The following KCNQ1 variants were observed in gnomAD, a reference collection of about 807,000 sequenced individuals.
The protein encoded by KCNQ1 is potassium voltage-gated channel subfamily Q member 1.
Under a neutral mutation model 72.4 loss-of-function variants are expected in KCNQ1, and 49 were observed. The ratio of observed to expected loss-of-function variants is 0.68; its 90% confidence interval spans 0.54 to 0.86. The LOEUF (loss-of-function observed/expected upper bound fraction) is 0.86. Ranked by LOEUF, KCNQ1 falls within the 40% of genes least tolerant of loss-of-function variation. The probability of loss-of-function intolerance (pLI) is 0.00; values close to 1 mark genes in which losing one functional copy is unlikely to be tolerated. For missense variants in KCNQ1, 790 were observed against 945.1 expected (o/e 0.84, Z 2.15); for synonymous variants, 450 against 412.6 (o/e 1.09, Z -1.10).
intron 10 of KCNQ1, chr11:2,622,662 G>A (rs979839075): frequency 5.0e-5 from 20 of 398,330 alleles, no homozygotes; most frequent in African/African-American, 3.7e-4. Flanking sequence ...TTTTCTGATA[G>A]TGTACCATTA....
chr11:2,808,027 C>G lies in KCNQ1; in HGVS notation c.1794+29990C>G, dbSNP rs1219238078. 6.6e-6 allele frequency among the ~76,000 whole-genome samples: 1 copy of G among 152,164 alleles called. No individual in the cohort carries two copies. The highest frequency in any genetic ancestry group is 1.5e-5 in the Non-Finnish European group (1 of 68,010). Reference sequence around the variant, plus strand: ...GGGCAGGGCCGGTGGTACCTGGAGCCCTCCCCACTGAGCACCTGGCCCAGT... The same window carrying G: ...GGGCAGGGCCGGTGGTACCTGGAGCGCTCCCCACTGAGCACCTGGCCCAGT... On this transcript the variant is annotated intron_variant, in intron 15 of 15. Transcript: ENST00000155840. The surrounding 1 kb of genome is among the most constrained non-coding windows in gnomAD (Gnocchi z 6.0).
rs1847280489 is a variant in KCNQ1, at chr11:2,515,882, C to A, written c.387-12046C>A. On this transcript the variant is annotated intron_variant, in intron 1 of 15. Coordinates refer to ENST00000155840, the MANE Select transcript of KCNQ1 (RefSeq NM_000218.3). The surrounding 1 kb of genome is among the most constrained non-coding windows in gnomAD (Gnocchi z 4.7). The stretch of plus-strand genomic sequence containing the variant: ...CTCCGGGCCCCAGGAGAAGCTCATG[C>A]CTTTCCTGCTTGCACCCCAGAGCCT... Among the ~76,000 whole-genome samples the A allele has an allele frequency of 1.3e-5, 2 of 152,074 alleles. No individual in the cohort carries two copies. The highest frequency in any genetic ancestry group is 4.2e-4 in the South Asian group (2 of 4,808).
rs553290452 is a variant in KCNQ1, at chr11:2,611,702, T to C, written c.1393+22848T>C. ...CTTTATTGAGTTTTTAATTCACTTA[T>C]ATGTAATATAATTATTGATATGGAA... On this transcript the variant is annotated intron_variant, in intron 10 of 15. Transcript: ENST00000155840. This position sits in a 1 kb window ranked among gnomAD's most constrained non-coding sequence, Gnocchi z 5.3. The C allele has an allele frequency of 4.0e-5, 16 of 398,610 alleles. No homozygotes were observed. Among genetic ancestry groups the C allele is most frequent in the Non-Finnish European group, 6.2e-5 (14 of 226,054 alleles). 24.7% of individuals were successfully genotyped at this position (398,610 alleles called of 1,614,324 possible). A position where few individuals can be genotyped will look rare whatever the true frequency, so the allele number is the denominator to read the frequency against.
rs1043342156 is a variant in KCNQ1, at chr11:2,516,984, C to A, written c.387-10944C>A. Among the ~76,000 whole-genome samples the A allele has an allele frequency of 6.6e-6, 1 of 152,170 alleles. No individual in the cohort carries two copies. Among genetic ancestry groups the A allele is most frequent in the Non-Finnish European group, 1.5e-5 (1 of 68,024 alleles). On this transcript the variant is annotated intron_variant, in intron 1 of 15. Coordinates refer to ENST00000155840, the MANE Select transcript of KCNQ1 (RefSeq NM_000218.3). This position sits in a 1 kb window ranked among gnomAD's most constrained non-coding sequence, Gnocchi z 7.0. ...GGGCCTCTGAAGGGCTTTGACGTGACACTCGGGATGGCATGGCAGGGCCCT... is the reference window on the plus strand; with the variant it reads ...GGGCCTCTGAAGGGCTTTGACGTGAAACTCGGGATGGCATGGCAGGGCCCT...
At chr11:2,773,914 C>T (rs1019552351) in intron 12 of KCNQ1, among the ~76,000 whole-genome samples, 3 of 151,720 alleles carry the variant, frequency 2.0e-5, no homozygotes, top group African/African-American at 7.3e-5. Flanking sequence ...GGCTCAGCAT[C>T]CCATCTTAAA....
At position 2,826,109 on chromosome 11, in the gene KCNQ1, G is replaced by A. The variant is rs1238455283; in HGVS notation, c.1795-21658G>A. 6.6e-6 allele frequency among the ~76,000 whole-genome samples: 1 copy of A among 152,248 alleles called. No individual in the cohort carries two copies. Among genetic ancestry groups the A allele is most frequent in the Admixed American group, 6.5e-5 (1 of 15,292 alleles). On this transcript the variant is annotated intron_variant, in intron 15 of 15. Coordinates refer to ENST00000155840, the MANE Select transcript of KCNQ1 (RefSeq NM_000218.3). This position sits in a 1 kb window ranked among gnomAD's most constrained non-coding sequence, Gnocchi z 4.2. ...AGCAAGCAGCCTGTTACCTAACCAG[G>A]CCTGGCTCATGCCAATGTCTTGAGT...
intron 10 of KCNQ1, chr11:2,640,874 A>G: frequency 2.5e-6 from 1 of 399,440 alleles, no homozygotes; most frequent in Non-Finnish European, 4.4e-6. Context: ...TCTACTCTCT[A>G]CCTCCATGAG....
Position 2,711,758 on chromosome 11 carries a change from G to C in KCNQ1, c.1514+49677G>C, listed in dbSNP as rs891475746. 2.1e-4 allele frequency among the ~76,000 whole-genome samples: 32 copies of C among 152,222 alleles called. No homozygotes were observed. The highest frequency in any genetic ancestry group is 7.7e-4 in the African/African-American group (32 of 41,458). Reference sequence around the variant, plus strand: ...TAGAACTTTGGCAGCTTACAAAGGAGTTTTATTTTTCAAATTTCCTTTCAA... The same window carrying C: ...TAGAACTTTGGCAGCTTACAAAGGACTTTTATTTTTCAAATTTCCTTTCAA... On this transcript the variant is annotated intron_variant, in intron 11 of 15. Coordinates refer to ENST00000155840, the MANE Select transcript of KCNQ1 (RefSeq NM_000218.3). The surrounding 1 kb of genome is among the most constrained non-coding windows in gnomAD (Gnocchi z 5.4).
chr11:2,669,472 C>A lies in KCNQ1; in HGVS notation c.1514+7391C>A. The A allele has an allele frequency of 7.5e-6, 3 of 398,564 alleles. No individual in the cohort carries two copies. In the South Asian group the frequency reaches 3.8e-4, roughly 51 times the overall value. 24.7% of individuals were successfully genotyped at this position (398,564 alleles called of 1,614,324 possible). On this transcript the variant is annotated intron_variant, in intron 11 of 15. Coordinates refer to ENST00000155840, the MANE Select transcript of KCNQ1 (RefSeq NM_000218.3). The surrounding 1 kb of genome is among the most constrained non-coding windows in gnomAD (Gnocchi z 5.6). ...GCCCTGTAGTTTTCAGTGTGGTGGT[C>A]ATGAACAGCTTGTCAGATTCATTCC...
chr11:2,581,143 G>A (rs1176636411), intron 6 of KCNQ1, among the ~76,000 whole-genome samples: 1 of 152,238 alleles, frequency 6.6e-6, no homozygotes, highest in Admixed American at 6.5e-5. Flanking sequence ...GGCCCTCCGA[G>A]CTCAAGGCCA....
chr11:2,560,998 C>T (rs959391720), intron 2 of KCNQ1, among the ~76,000 whole-genome samples: 21 of 151,700 alleles, frequency 1.4e-4, no homozygotes, highest in Admixed American at 9.8e-4. Context: ...GTCAGGAGAT[C>T]GAGACCATCC....
intron 11 of KCNQ1, chr11:2,689,625 A>C (rs916379086): frequency 1.3e-5 from 5 of 398,584 alleles, no homozygotes; most frequent in Non-Finnish European, 1.8e-5. Flanking sequence ...TTTAGGAACA[A>C]AACAAGCCAG....
At position 2,600,810 on chromosome 11, in the gene KCNQ1, A is replaced by G. The variant is rs1012878400; in HGVS notation, c.1393+11956A>G. Among the ~76,000 whole-genome samples the G allele has an allele frequency of 6.6e-6, 1 of 151,924 alleles. No individual in the cohort carries two copies. Among genetic ancestry groups the G allele is most frequent in the African/African-American group, 2.4e-5 (1 of 41,344 alleles). Reference sequence around the variant, plus strand: ...TCTCTTTCTCTGTTATGACACTGATATTTTTTAAAGATACAGTCCTGCCAC... The same window carrying G: ...TCTCTTTCTCTGTTATGACACTGATGTTTTTTAAAGATACAGTCCTGCCAC... On this transcript the variant is annotated intron_variant, in intron 10 of 15. Coordinates refer to ENST00000155840, the MANE Select transcript of KCNQ1 (RefSeq NM_000218.3). The surrounding 1 kb of genome is among the most constrained non-coding windows in gnomAD (Gnocchi z 5.6).
chr11:2,620,215 T>A lies in KCNQ1; in HGVS notation c.1393+31361T>A, dbSNP rs200391321. 42,016 of 250,546 alleles carry A rather than the reference T, an allele frequency of 0.17. 4,134 individuals are homozygous for A. Among genetic ancestry groups the A allele is most frequent in the South Asian group, 0.35 (1,912 of 5,394 alleles). The allele number at this position is 250,546 out of a possible 1,614,324, so 15.5% of individuals were successfully genotyped here. A position where few individuals can be genotyped will look rare whatever the true frequency, so the allele number is the denominator to read the frequency against. ...TTCATTCATGTATATATATATATTT[T>A]TTTTTTTTATTTTTTTTTTAGACGG... On this transcript the variant is annotated intron_variant, in intron 10 of 15. Transcript: ENST00000155840. The surrounding 1 kb of genome is among the most constrained non-coding windows in gnomAD (Gnocchi z 4.5).
At position 2,720,056 on chromosome 11, in the gene KCNQ1, T is replaced by C. The variant is rs1398090730; in HGVS notation, c.1515-48788T>C. Among the ~76,000 whole-genome samples the C allele has an allele frequency of 2.0e-5, 3 of 152,178 alleles. No homozygotes were observed. The highest frequency in any genetic ancestry group is 7.2e-5 in the African/African-American group (3 of 41,438). ...GCAAAATGTCCCAAAACAAGTCCCT[T>C]ACTGTCCGTGTCCCTCCATGCCAGC... On this transcript the variant is annotated intron_variant, in intron 11 of 15. Coordinates refer to ENST00000155840, the MANE Select transcript of KCNQ1 (RefSeq NM_000218.3). This position sits in a 1 kb window ranked among gnomAD's most constrained non-coding sequence, Gnocchi z 5.1.
At chr11:2,707,440 T>A (rs1232595204) in intron 11 of KCNQ1, among the ~76,000 whole-genome samples, 1 of 152,144 alleles carries the variant, frequency 6.6e-6, no homozygotes, top group Non-Finnish European at 1.5e-5. Context: ...AGCCCTCCCT[T>A]TTGGGGACTG....
Position 2,577,825 on chromosome 11 carries a change from C to T in KCNQ1, c.921+4839C>T, listed in dbSNP as rs570295622. On this transcript the variant is annotated intron_variant, in intron 6 of 15. Coordinates refer to ENST00000155840, the MANE Select transcript of KCNQ1 (RefSeq NM_000218.3). ...GCCTGGCCTGTTAGAGCCCCAGGACCGCTGGCCCCACCCTTCTCTGTCCCA... is the reference window on the plus strand; with the variant it reads ...GCCTGGCCTGTTAGAGCCCCAGGACTGCTGGCCCCACCCTTCTCTGTCCCA... 5.3e-5 allele frequency among the ~76,000 whole-genome samples: 8 copies of T among 152,274 alleles called. No homozygotes were observed. The East Asian group carries it at 7.7e-4, about 15-fold the overall frequency.
At position 2,653,979 on chromosome 11, in the gene KCNQ1, C is replaced by T; in HGVS notation, c.1394-7982C>T. On this transcript the variant is annotated intron_variant, in intron 10 of 15. Coordinates refer to ENST00000155840, the MANE Select transcript of KCNQ1 (RefSeq NM_000218.3). The surrounding 1 kb of genome is among the most constrained non-coding windows in gnomAD (Gnocchi z 5.3). ...GGTGTCCACTCAAGCAAGGTATTTT[C>T]CTAAGCGGAACTGGGTGCCAGCTGT... 2.5e-6 allele frequency: 1 copy of T among 398,698 alleles called. No homozygotes were observed. Among genetic ancestry groups the T allele is most frequent in the Non-Finnish European group, 4.4e-6 (1 of 226,090 alleles). The allele number at this position is 398,698 out of a possible 1,614,324, so 24.7% of individuals were successfully genotyped here. A position where few individuals can be genotyped will look rare whatever the true frequency, so the allele number is the denominator to read the frequency against.
At chr11:2,694,397 A>T (rs952299637) in intron 11 of KCNQ1, 3 of 398,666 alleles carry the variant, frequency 7.5e-6, no homozygotes, top group Non-Finnish European at 1.3e-5. Flanking sequence ...GAGAATTACT[A>T]ATATCAACTA....
Sources: gnomAD v4.1 joint callset for allele counts (sites outside exome capture counted in the v4.1 genomes callset) on GRCh38, gnomAD v4.1.1 for gene constraint, Gnocchi (gnomAD v3.1) non-coding constraint, MANE v1.5 for transcripts, NCBI Gene and HGNC (gene_info 2026-07-23, HGNC 2026-07-21) for gene names.